CCDC192: variants seen among roughly 807,000 people sequenced by gnomAD.
CCDC192 encodes the protein coiled-coil domain containing 192, also known as coiled-coil domain-containing protein 192.
At chr5:127,751,157 A>T (rs1754140239) in intron 2 of CCDC192, among the ~76,000 whole-genome samples, 1 of 149,532 alleles carries the variant, frequency 6.7e-6, no homozygotes. Flanking sequence ...TCCTGTCATT[A>T]TGATGTTAGC....
At chr5:127,854,598 C>A (rs1451505889) in intron 5 of CCDC192, among the ~76,000 whole-genome samples, 1 of 152,112 alleles carries the variant, frequency 6.6e-6, no homozygotes, top group African/African-American at 2.4e-5. Flanking sequence ...TGGAAAGTAT[C>A]CCCTGCAAAT....
At chr5:127,807,060 G>A (rs1757827569) in intron 5 of CCDC192, among the ~76,000 whole-genome samples, 1 of 152,162 alleles carries the variant, frequency 6.6e-6, no homozygotes, top group Admixed American at 6.6e-5. Context: ...GTAGAAAGAA[G>A]CTGACATTAC....
intron 5 of CCDC192, among the ~76,000 whole-genome samples, chr5:127,809,317 TAGA>T (rs1757954668): frequency 6.6e-6 from 1 of 151,920 alleles, no homozygotes; most frequent in African/African-American, 2.4e-5. Context: ...GGAAAAAAAA[TAGA>T]ATACACATAT....
chr5:127,848,739 G>A (rs1298460066), intron 5 of CCDC192, among the ~76,000 whole-genome samples: 1 of 152,192 alleles, frequency 6.6e-6, no homozygotes, highest in East Asian at 1.9e-4. Flanking sequence ...TATCTGGCAT[G>A]CAGAAAGTAC....
At chr5:127,792,618 A>G (rs1336000833) in intron 3 of CCDC192, among the ~76,000 whole-genome samples, 1 of 151,392 alleles carries the variant, frequency 6.6e-6, no homozygotes, top group African/African-American at 2.4e-5. Flanking sequence ...AGATGGGAGG[A>G]TGGCTCGAGC....
At chr5:127,867,860 C>T (rs1751677509) in intron 5 of CCDC192, among the ~76,000 whole-genome samples, 1 of 152,148 alleles carries the variant, frequency 6.6e-6, no homozygotes, top group South Asian at 2.1e-4. Flanking sequence ...TTGATGTTTA[C>T]TGGGTAAAAA....
chr5:127,783,412 C>T (rs1756356686), intron 3 of CCDC192, among the ~76,000 whole-genome samples: 1 of 152,122 alleles, frequency 6.6e-6, no homozygotes, highest in Non-Finnish European at 1.5e-5. Context: ...ATTTAATTTC[C>T]ATGTATTTGC....
chr5:127,928,997 C>T (rs916267933), intron 6 of CCDC192, among the ~76,000 whole-genome samples: 4 of 152,006 alleles, frequency 2.6e-5, no homozygotes, highest in Non-Finnish European at 5.9e-5. Flanking sequence ...GAACTCCTGA[C>T]CTCATGATCC....
At chr5:127,937,914 G>A (rs1561559259) in intron 6 of CCDC192, among the ~76,000 whole-genome samples, 1 of 152,158 alleles carries the variant, frequency 6.6e-6, no homozygotes. Context: ...AAAAGCAGAG[G>A]AAAAACTGAG....
chr5:127,715,457 T>C (rs1751575671), intron 2 of CCDC192, among the ~76,000 whole-genome samples: 1 of 152,238 alleles, frequency 6.6e-6, no homozygotes, highest in South Asian at 2.1e-4. Context: ...CTGTATTTTA[T>C]GCCAGTGGCA....
intron 2 of CCDC192, among the ~76,000 whole-genome samples, chr5:127,751,958 A>G (rs1209932480): frequency 6.6e-6 from 1 of 151,824 alleles, no homozygotes; most frequent in Non-Finnish European, 1.5e-5. Flanking sequence ...CTTGGTTTTC[A>G]GCTCCATCAG....
intron 6 of CCDC192, among the ~76,000 whole-genome samples, chr5:127,936,055 GATCGCACC>G (rs1040511630): frequency 1.4e-4 from 22 of 152,158 alleles, no homozygotes; most frequent in African/African-American, 4.8e-4. Flanking sequence ...GGTGAGCCAA[GATCGCACC>G]ATCGCACTCC....
In CCDC192 at chr5:127,794,082, G is replaced by A. The variant is rs1020780522; in HGVS notation, c.223-3021G>A. Among the ~76,000 whole-genome samples, 3 of 152,200 alleles carry A rather than the reference G, an allele frequency of 2.0e-5. No homozygotes were observed. In the South Asian group the frequency reaches 6.2e-4, roughly 32 times the overall value. The stretch of plus-strand genomic sequence containing the variant: ...GCATTCGCGTCTGGTCGGTGACAGA[G>A]GGTGCCTCTCCAAATCACTCTCCAA... On this transcript the variant is annotated intron_variant, in intron 3 of 6. Transcript: ENST00000514853.
chr5:127,870,656 T>C (rs150079813), intron 5 of CCDC192, among the ~76,000 whole-genome samples: 310 of 152,224 alleles, frequency 2.0e-3, no homozygotes, highest in African/African-American at 7.2e-3. Context: ...TAAACGATTG[T>C]GAATCCAGGG....
intron 6 of CCDC192, among the ~76,000 whole-genome samples, chr5:127,919,904 T>C (rs764465214): frequency 1.3e-5 from 2 of 152,242 alleles, no homozygotes; most frequent in Non-Finnish European, 2.9e-5. Flanking sequence ...CACTTTCAGG[T>C]AAGGCAAGAC....
chr5:127,773,398 GAA>G (rs1412904471), intron 3 of CCDC192, among the ~76,000 whole-genome samples: 30 of 147,162 alleles, frequency 2.0e-4, no homozygotes, highest in African/African-American at 7.6e-4. Flanking sequence ...CATCACCCCA[GAA>G]GAACACTTTA....
intron 2 of CCDC192, among the ~76,000 whole-genome samples, chr5:127,746,182 C>T (rs934015993): frequency 1.3e-5 from 2 of 152,224 alleles, no homozygotes; most frequent in Non-Finnish European, 2.9e-5. Flanking sequence ...ACTTTGCATT[C>T]TCCACAGTTT....
chr5:127,922,382 G>A (rs995992205), intron 6 of CCDC192, among the ~76,000 whole-genome samples: 5 of 152,130 alleles, frequency 3.3e-5, no homozygotes, highest in Non-Finnish European at 5.9e-5. Flanking sequence ...TCATTCACTC[G>A]TCTTCCTGAT....
chr5:127,923,009 A>C (rs549116501), intron 6 of CCDC192, among the ~76,000 whole-genome samples: 1 of 152,362 alleles, frequency 6.6e-6, no homozygotes, highest in South Asian at 2.1e-4. Context: ...TATCAGGCTT[A>C]GGAAGAAGCT....
Sources: allele counts gnomAD v4.1 joint callset (sites outside exome capture counted in the v4.1 genomes callset), GRCh38; gene constraint gnomAD v4.1.1; transcripts MANE v1.5; gene names NCBI Gene and HGNC (gene_info 2026-07-23, HGNC 2026-07-21).